ATP10B: variants seen among roughly 807,000 people sequenced by gnomAD.
ATP10B encodes ATPase phospholipid transporting 10B (putative).
ATP10B carries 122 observed loss-of-function variants against 141.2 expected under a neutral mutation model. The ratio of observed to expected loss-of-function variants is 0.86; its 90% CI spans 0.75 to 1.00. The LOEUF is 1.00. Among genes scored for constraint, ATP10B ranks in the 50% least tolerant of loss-of-function variants. ATP10B has a pLI of 0.00. For synonymous variants in ATP10B, 685 were observed against 692.0 expected (o/e 0.99, Z 0.16); for missense variants, 1,876 against 1,825.3 (o/e 1.03, Z -0.51).
At chr5:160,909,042 G>T in the ATP10B span, among the ~76,000 whole-genome samples, 1 of 152,154 alleles carries the variant, frequency 6.6e-6, no homozygotes, top group African/African-American at 2.4e-5. Flanking sequence ...GGAATGAATG[G>T]TGGATGTAAC....
chr5:160,843,951 TTAG>T (rs1305913492), intron 1 of ATP10B, among the ~76,000 whole-genome samples: 2 of 152,140 alleles, frequency 1.3e-5, no homozygotes, highest in South Asian at 4.1e-4. Context: ...TTAAATTTGT[TTAG>T]TATTATTTTC....
At chr5:160,624,812 A>G (rs567674730) in intron 13 of ATP10B, among the ~76,000 whole-genome samples, 2 of 152,370 alleles carry the variant, frequency 1.3e-5, no homozygotes, top group South Asian at 2.1e-4. Context: ...TAAAGCCAGA[A>G]TCAGAGCTCA....
At chr5:160,746,179 C>A (rs1362766442) in intron 2 of ATP10B, among the ~76,000 whole-genome samples, 4 of 152,098 alleles carry the variant, frequency 2.6e-5, no homozygotes, top group Non-Finnish European at 4.4e-5. Context: ...TCTTTCTTAC[C>A]CACTAGATGC....
At chr5:160,866,481 C>G in the ATP10B span, among the ~76,000 whole-genome samples, 21 of 152,120 alleles carry the variant, frequency 1.4e-4, no homozygotes, top group Middle Eastern at 6.8e-3. Flanking sequence ...CAAGACCAGC[C>G]TGGCCAACAT....
chr5:160,590,907 C>T, intron 23 of ATP10B, 152 bp downstream of exon 23: 1 of 603,018 alleles, frequency 1.7e-6, no homozygotes, highest in Admixed American at 3.4e-5. Flanking sequence ...TCTGACTTTT[C>T]AAACACCTTG....
chr5:160,568,299 G>A (rs1041450204), intron 25 of ATP10B, among the ~76,000 whole-genome samples: 10 of 149,896 alleles, frequency 6.7e-5, no homozygotes, highest in African/African-American at 2.5e-4. Flanking sequence ...GATAGTGATT[G>A]CTTTTTATGG....
At chr5:160,671,187 A>G (rs1306589231) in intron 6 of ATP10B, among the ~76,000 whole-genome samples, 2 of 151,004 alleles carry the variant, frequency 1.3e-5, no homozygotes, top group African/African-American at 4.9e-5. Context: ...AAAAAAAAAA[A>G]AAAAACCCAA....
chr5:160,765,384 G>A (rs1769326368), intron 2 of ATP10B, among the ~76,000 whole-genome samples: 1 of 152,034 alleles, frequency 6.6e-6, no homozygotes, highest in African/African-American at 2.4e-5. Context: ...CAATGGAACA[G>A]AATAGAGAAC....
At chr5:160,600,019 A>T (rs1325524881) in intron 21 of ATP10B, among the ~76,000 whole-genome samples, 2 of 152,224 alleles carry the variant, frequency 1.3e-5, no homozygotes, top group African/African-American at 4.8e-5. Context: ...TGCCACTAGT[A>T]GTAACATCAT....
intron 2 of ATP10B, among the ~76,000 whole-genome samples, chr5:160,718,726 A>C (rs1357080998): frequency 6.6e-6 from 1 of 151,938 alleles, no homozygotes; most frequent in African/African-American, 2.4e-5. Context: ...GCAAGAACTC[A>C]CTCACTACCT....
At chr5:160,583,643 G>A (rs1338228761) in intron 24 of ATP10B, among the ~76,000 whole-genome samples, 1 of 152,140 alleles carries the variant, frequency 6.6e-6, no homozygotes, top group Non-Finnish European at 1.5e-5. Context: ...CCCCTACCCC[G>A]AGGTGCTCTG....
At chr5:160,882,560 G>A in the ATP10B span, among the ~76,000 whole-genome samples, 3 of 151,792 alleles carry the variant, frequency 2.0e-5, no homozygotes, top group South Asian at 6.3e-4. Context: ...GAGATAATAA[G>A]TGTGGCCATT....
At chr5:160,781,281 C>G (rs560808545) in intron 2 of ATP10B, among the ~76,000 whole-genome samples, 23 of 152,276 alleles carry the variant, frequency 1.5e-4, no homozygotes, top group Middle Eastern at 6.8e-3. Context: ...GTAGTAGGTG[C>G]TGTGGATGCT....
intron 19 of ATP10B, among the ~76,000 whole-genome samples, chr5:160,604,739 C>A (rs1757287318): frequency 6.6e-6 from 1 of 152,174 alleles, no homozygotes; most frequent in South Asian, 2.1e-4. Flanking sequence ...CACACACGGT[C>A]TCCTTCTATA....
chr5:160,838,175 C>G (rs147903295), intron 1 of ATP10B, among the ~76,000 whole-genome samples: 1 of 152,166 alleles, frequency 6.6e-6, no homozygotes, highest in Non-Finnish European at 1.5e-5. Flanking sequence ...CTACATGGGA[C>G]AGCTGGTGCT....
chr5:160,766,337 AACACACACACACACACACACACACACAC>A (rs58890049), intron 2 of ATP10B, among the ~76,000 whole-genome samples: 9 of 140,400 alleles, frequency 6.4e-5, no homozygotes, highest in African/African-American at 2.1e-4. Flanking sequence ...GGATAAAGAG[AACACACACACACACACACACACACACAC>A]ACACACACAC....
At position 160,592,087 on chromosome 5, in the gene ATP10B, C is replaced by G. The variant is rs750922187; in HGVS notation, c.3565-948G>C. Among the ~76,000 whole-genome samples, 28 of 152,164 alleles carry G rather than the reference C, an allele frequency of 1.8e-4. 1 individual carries two copies. Among genetic ancestry groups the G allele is most frequent in the Admixed American group, 1.2e-3 (18 of 15,276 alleles). On this transcript the variant is annotated intron_variant, in intron 22 of 25. Transcript: ENST00000327245. ...TGCTGTCTGACTTCTCCAAATCATTCAGGGCTGCAGTGTGGCCTCTCTGGG... is the reference window on the plus strand; with the variant it reads ...TGCTGTCTGACTTCTCCAAATCATTGAGGGCTGCAGTGTGGCCTCTCTGGG...
At chr5:160,823,110 G>T (rs1044799797) in intron 1 of ATP10B, among the ~76,000 whole-genome samples, 12 of 147,824 alleles carry the variant, frequency 8.1e-5, no homozygotes, top group African/African-American at 2.7e-4. Context: ...TTACCCTGAT[G>T]TGATTATTAC....
intron 7 of ATP10B, among the ~76,000 whole-genome samples, chr5:160,655,357 A>G (rs1561709798): frequency 6.6e-6 from 1 of 151,906 alleles, no homozygotes; most frequent in Non-Finnish European, 1.5e-5. Flanking sequence ...ACCCCCGCCA[A>G]TCAGAATTGC....
Sources: allele counts gnomAD v4.1 joint callset (sites outside exome capture counted in the v4.1 genomes callset), GRCh38; gene constraint gnomAD v4.1.1; transcripts MANE v1.5; gene names NCBI Gene and HGNC (gene_info 2026-07-23, HGNC 2026-07-21).